The following MAD1L1 variants were observed in gnomAD, a reference collection of about 807,000 sequenced individuals.
The protein encoded by MAD1L1 is mitotic spindle assembly checkpoint protein MAD1.
MAD1L1 carries 95 observed loss-of-function variants against 96.9 expected under a neutral mutation model. That is an observed-to-expected ratio of 0.98 (90% CI 0.83 to 1.16). The LOEUF (loss-of-function observed/expected upper bound fraction) is 1.16. Among genes scored for constraint, MAD1L1 ranks in the 50% most tolerant of loss-of-function variants. The probability of loss-of-function intolerance (pLI) is 0.00; values close to 1 mark genes in which losing one functional copy is unlikely to be tolerated. For synonymous variants in MAD1L1, 473 were observed against 396.6 expected (o/e 1.19, Z -2.29); for missense variants, 1,007 against 954.4 (o/e 1.06, Z -0.73).
intron 18 of MAD1L1, among the ~76,000 whole-genome samples, chr7:1,892,362 A>G (rs1786600913): frequency 6.6e-6 from 1 of 152,212 alleles, no homozygotes; most frequent in South Asian, 2.1e-4. Flanking sequence ...GCAAAGCGAG[A>G]CCGTACTAGA....
chr7:1,830,617 G>C (rs1330677652), intron 18 of MAD1L1, among the ~76,000 whole-genome samples: 1 of 152,228 alleles, frequency 6.6e-6, no homozygotes, highest in Non-Finnish European at 1.5e-5. Context: ...ATTATAAGCA[G>C]ATGACTAAGG....
intron 12 of MAD1L1, among the ~76,000 whole-genome samples, chr7:2,055,140 A>T (rs1167904587): frequency 6.6e-6 from 1 of 152,196 alleles, no homozygotes; most frequent in African/African-American, 2.4e-5. Flanking sequence ...CAGCACAGCG[A>T]GGCGGTGCGT....
chr7:1,842,827 T>G (rs1047563470), intron 18 of MAD1L1, among the ~76,000 whole-genome samples: 1 of 152,210 alleles, frequency 6.6e-6, no homozygotes. Flanking sequence ...GCGTCCCACA[T>G]GTCAGCCCCT....
intron 11 of MAD1L1, among the ~76,000 whole-genome samples, chr7:2,117,073 A>C (rs1349134183): frequency 1.3e-5 from 2 of 152,170 alleles, no homozygotes; most frequent in African/African-American, 4.8e-5. Context: ...CCTTTTCTAG[A>C]GATAGGCCTG....
At chr7:2,160,657 G>A (rs983869720) in intron 10 of MAD1L1, among the ~76,000 whole-genome samples, 9 of 151,794 alleles carry the variant, frequency 5.9e-5, no homozygotes, top group African/African-American at 2.2e-4. Context: ...TTTTGAGACA[G>A]AGGCTCGCTC....
At chr7:1,963,059 C>T (rs910280822) in intron 15 of MAD1L1, among the ~76,000 whole-genome samples, 1 of 152,220 alleles carries the variant, frequency 6.6e-6, no homozygotes, top group South Asian at 2.1e-4. Flanking sequence ...CCTCGGAACA[C>T]GTTACACACG....
intron 13 of MAD1L1, among the ~76,000 whole-genome samples, chr7:2,003,606 A>G (rs1781901353): frequency 6.6e-6 from 1 of 152,094 alleles, no homozygotes; most frequent in Admixed American, 6.5e-5. Context: ...GAGCCTCCCA[A>G]GCCTCTGGTG....
intron 11 of MAD1L1, among the ~76,000 whole-genome samples, chr7:2,094,032 C>T (rs1197536582): frequency 3.3e-5 from 5 of 152,230 alleles, no homozygotes; most frequent in Admixed American, 6.5e-5. Flanking sequence ...GTCGTCTGTG[C>T]AGCTTGCAGG....
At position 2,113,169 on chromosome 7, in the gene MAD1L1, G is replaced by A. The variant is rs191986356; in HGVS notation, c.1073+35983C>T. On this transcript the variant is annotated intron_variant, in intron 11 of 18. Coordinates refer to ENST00000265854, the MANE Select transcript of MAD1L1 (RefSeq NM_001013836.2). ...GGGGCAGAGCCTCCCTCAGCAAAGCGTCCCACTCAGGAAACACGGAAGAGA... is the reference window on the plus strand; with the variant it reads ...GGGGCAGAGCCTCCCTCAGCAAAGCATCCCACTCAGGAAACACGGAAGAGA... 4.2e-3 allele frequency among the ~76,000 whole-genome samples: 636 copies of A among 152,052 alleles called. 8 individuals carry two copies. Among genetic ancestry groups the A allele is most frequent in the African/African-American group, 0.014 (575 of 41,446 alleles).
At chr7:1,871,667 T>C (rs989611304) in intron 18 of MAD1L1, among the ~76,000 whole-genome samples, 49 of 143,870 alleles carry the variant, frequency 3.4e-4, no homozygotes, top group African/African-American at 1.0e-3. Flanking sequence ...GAACCCAACA[T>C]ACGCCTGCCA....
At chr7:1,908,269 G>C (rs969554687) in intron 17 of MAD1L1, among the ~76,000 whole-genome samples, 1 of 152,212 alleles carries the variant, frequency 6.6e-6, no homozygotes, top group Non-Finnish European at 1.5e-5. Flanking sequence ...CGTGAGACAG[G>C]GAACAATGTC....
At chr7:2,204,628 C>T (rs918832520) in intron 10 of MAD1L1, among the ~76,000 whole-genome samples, 1 of 152,250 alleles carries the variant, frequency 6.6e-6, no homozygotes, top group African/African-American at 2.4e-5. Context: ...TGTTTCCAAG[C>T]ACCGCCGCTG....
chr7:2,148,220 T>A lies in MAD1L1; in HGVS notation c.1073+932A>T, dbSNP rs184611698. ...GGCTATTAATAAATTATTAAAACAC[T>A]CTCTCCACAGGAGGACAAGGCTGAG... On this transcript the variant is annotated intron_variant, in intron 11 of 18. Transcript: ENST00000265854. Among the ~76,000 whole-genome samples, 642 of 152,310 alleles carry A rather than the reference T, an allele frequency of 4.2e-3. 8 individuals are homozygous for A. The highest frequency in any genetic ancestry group is 0.015 in the African/African-American group (609 of 41,542).
intron 14 of MAD1L1, among the ~76,000 whole-genome samples, chr7:1,983,985 C>G (rs1020124884): frequency 6.6e-6 from 1 of 152,080 alleles, no homozygotes; most frequent in East Asian, 1.9e-4. Context: ...GTTTACTTTC[C>G]TTTTGTTCTC....
chr7:1,957,782 C>T, intron 15 of MAD1L1, 63 bp from the exon 16 acceptor site: 2 of 1,497,236 alleles, frequency 1.3e-6, no homozygotes, highest in African/African-American at 2.8e-5. Flanking sequence ...AAGTCCCACC[C>T]TCTGGGTGAT....
chr7:1,954,504 T>TG (rs903317781), intron 16 of MAD1L1, among the ~76,000 whole-genome samples: 10 of 151,822 alleles, frequency 6.6e-5, no homozygotes, highest in African/African-American at 2.4e-4. Context: ...ACTCAGGAGG[T>TG]GGGGACAGGG....
At chr7:2,145,912 G>A (rs995406861) in intron 11 of MAD1L1, among the ~76,000 whole-genome samples, 1 of 152,216 alleles carries the variant, frequency 6.6e-6, no homozygotes, top group African/African-American at 2.4e-5. Flanking sequence ...CTGGCTTCAC[G>A]GACGTGGACA....
rs374154276 is a variant in MAD1L1, at chr7:2,222,596, G to A, written c.450C>T (p.Asp150=). The change falls in exon 5 of 19, where the codon GAC becomes GAT. Residue 150 remains aspartate, a synonymous_variant. Transcript: ENST00000265854. ...TCACCTCGCCAGCCTGGGCCAGACTGTCCTCTTTCTCACGCAGCCTCTTGC... is the reference window on the plus strand; with the variant it reads ...TCACCTCGCCAGCCTGGGCCAGACTATCCTCTTTCTCACGCAGCCTCTTGC... The part of the protein sequence containing the change: ...AASKRLREKE[D]SLAQAGETIN... 8 of 1,610,528 alleles carry A rather than the reference G, an allele frequency of 5.0e-6. No individual in the cohort carries two copies. The South Asian group carries it at 8.8e-5, about 18-fold the overall frequency.
intron 18 of MAD1L1, among the ~76,000 whole-genome samples, chr7:1,884,003 A>G (rs1785849406): frequency 6.6e-6 from 1 of 152,112 alleles, no homozygotes; most frequent in African/African-American, 2.4e-5. Flanking sequence ...CACAGTGCAG[A>G]GCCAGCTGGG....
Sources: allele counts gnomAD v4.1 joint callset (sites outside exome capture counted in the v4.1 genomes callset), GRCh38; gene constraint gnomAD v4.1.1; transcripts MANE v1.5; gene names NCBI Gene and HGNC (gene_info 2026-07-23, HGNC 2026-07-21).